SNX14: variants seen among roughly 807,000 people sequenced by gnomAD.
SNX14 encodes sorting nexin-14.
A neutral mutation model predicts 133.8 loss-of-function variants in SNX14; 93 were observed. That is an observed-to-expected ratio of 0.70 (90% CI 0.59 to 0.83). SNX14 has a LOEUF of 0.83. Among genes scored for constraint, SNX14 ranks in the 40% least tolerant of loss-of-function variants. The pLI is 0.00. For synonymous variants in SNX14, 368 were observed against 365.6 expected (o/e 1.01, Z -0.07); for missense variants, 945 against 1,094.9 (o/e 0.86, Z 1.93).
intron 1 of SNX14, 25 bp from the exon 2 acceptor site, chr6:85,574,403 T>C (rs1267150897): frequency 1.4e-6 from 2 of 1,474,972 alleles, no homozygotes; most frequent in Non-Finnish European, 1.8e-6. Flanking sequence ...AAAATAATTA[T>C]TACAACCAAA....
chr6:85,532,788 T>C (rs1780676942), intron 18 of SNX14, among the ~76,000 whole-genome samples: 1 of 152,210 alleles, frequency 6.6e-6, no homozygotes, highest in South Asian at 2.1e-4. Context: ...ATACAGATAC[T>C]GTTAAACCCG....
chr6:85,571,169 A>G (rs1001763681), intron 4 of SNX14, among the ~76,000 whole-genome samples: 3 of 151,852 alleles, frequency 2.0e-5, no homozygotes, highest in Non-Finnish European at 4.4e-5. Flanking sequence ...CCTGGCTAAC[A>G]TGTGAAACCC....
chr6:85,521,054 G>A (rs796698918), intron 21 of SNX14, among the ~76,000 whole-genome samples: 28 of 152,310 alleles, frequency 1.8e-4, no homozygotes, highest in African/African-American at 6.7e-4. Flanking sequence ...CAGTGTGTAA[G>A]AGTTCCTGTT....
intron 7 of SNX14, among the ~76,000 whole-genome samples, chr6:85,557,151 G>A (rs1380840685): frequency 6.6e-6 from 1 of 152,214 alleles, no homozygotes; most frequent in Non-Finnish European, 1.5e-5. Flanking sequence ...ATATGGTCAT[G>A]TGTGTAGAGT....
chr6:85,574,963 A>T (rs779778351), intron 1 of SNX14, among the ~76,000 whole-genome samples: 2 of 152,252 alleles, frequency 1.3e-5, no homozygotes, highest in African/African-American at 2.4e-5. Flanking sequence ...GTTTTTTCAG[A>T]GAAAGCAATA....
At position 85,505,847 on chromosome 6, in the gene SNX14, A is replaced by T. The variant is rs990642735; in HGVS notation, c.*120T>A. ...TTAGTCTTTATTAAAAACAAAAAAT[A>T]ACTAAAATTTCAGACAGCGATGTAC... On this transcript the variant is annotated 3_prime_UTR_variant, in exon 29 of 29. Coordinates refer to ENST00000314673, the MANE Select transcript of SNX14 (RefSeq NM_153816.6). 2.8e-5 allele frequency: 19 copies of T among 673,878 alleles called. No homozygotes were observed. The highest frequency in any genetic ancestry group is 2.0e-4 in the African/African-American group (11 of 53,744). 41.7% of individuals were successfully genotyped at this position (673,878 alleles called of 1,614,324 possible).
Position 85,582,590 on chromosome 6 carries a change from G to A in SNX14, c.141-8212C>T, listed in dbSNP as rs186982882. ...AATAGACACAATAAAAAATGATAAA[G>A]GGGATATCATCACTGATCTCACAAA... On this transcript the variant is annotated intron_variant, in intron 1 of 28. Transcript: ENST00000314673. Among the ~76,000 whole-genome samples, 178 of 151,846 alleles carry A rather than the reference G, an allele frequency of 1.2e-3. 1 individual carries two copies. Among genetic ancestry groups the A allele is most frequent in the African/African-American group, 4.3e-3 (177 of 41,406 alleles).
chr6:85,530,555 G>T lies in SNX14; in HGVS notation c.1811-280C>A, dbSNP rs547947157. 1.4e-4 allele frequency among the ~76,000 whole-genome samples: 21 copies of T among 150,866 alleles called. 2 individuals carry two copies. Among genetic ancestry groups the T allele is most frequent in the Admixed American group, 1.4e-3 (21 of 15,138 alleles). ...AGCTACTCAGGAGGCTAAGGCAGGAGAATCGCTTGAACCCAAGAGGCAGAG... is the reference window on the plus strand; with the variant it reads ...AGCTACTCAGGAGGCTAAGGCAGGATAATCGCTTGAACCCAAGAGGCAGAG... On this transcript the variant is annotated intron_variant, in intron 18 of 28. Coordinates refer to ENST00000314673, the MANE Select transcript of SNX14 (RefSeq NM_153816.6).
chr6:85,505,891 T>C lies in SNX14; in HGVS notation c.*76A>G. On this transcript the variant is annotated 3_prime_UTR_variant, in exon 29 of 29. Coordinates refer to ENST00000314673, the MANE Select transcript of SNX14 (RefSeq NM_153816.6). ...GATGTACATAATATATATAAGAATATACCCAAAAAAGTAAATTTCTACCAC... is the reference window on the plus strand; with the variant it reads ...GATGTACATAATATATATAAGAATACACCCAAAAAAGTAAATTTCTACCAC... The C allele has an allele frequency of 3.1e-6, 3 of 961,486 alleles. No individual in the cohort carries two copies. The highest frequency in any genetic ancestry group is 2.1e-4 in the Middle Eastern group (1 of 4,740). The allele number at this position is 961,486 out of a possible 1,614,324, so 59.6% of individuals were successfully genotyped here. A position where few individuals can be genotyped will look rare whatever the true frequency, so the allele number is the denominator to read the frequency against.
chr6:85,555,574 A>C (rs1211986138), intron 7 of SNX14, among the ~76,000 whole-genome samples: 1 of 152,242 alleles, frequency 6.6e-6, no homozygotes, highest in African/African-American at 2.4e-5. Flanking sequence ...CAGAGGAAAG[A>C]AGGATGAACA....
At chr6:85,537,634 G>A (rs1257816431) in intron 16 of SNX14, among the ~76,000 whole-genome samples, 1 of 152,150 alleles carries the variant, frequency 6.6e-6, no homozygotes. Flanking sequence ...AATTAAAACC[G>A]TAACTTTTAT....
At chr6:85,565,299 C>G in intron 6 of SNX14, 33 bp downstream of exon 6, 1 of 1,414,302 alleles carries the variant, frequency 7.1e-7, no homozygotes, top group Non-Finnish European at 9.7e-7. Context: ...GATAAAGCCC[C>G]AAATTCCCAA....
At chr6:85,544,282 G>T (rs1267239477) in intron 12 of SNX14, among the ~76,000 whole-genome samples, 1 of 151,926 alleles carries the variant, frequency 6.6e-6, no homozygotes. Flanking sequence ...TTTATTTCAG[G>T]ATGTGTTAAT....
At position 85,565,341 on chromosome 6, in the gene SNX14, C is replaced by A; in HGVS notation, c.540G>T (p.Arg180Ser). ...CATTAAAAATATATACCTTGTGAAT[C>A]CTTCTTATTAAGACAGATGCAAAAA... ...LRFFASVLIR[R>S]IHKVDIPSII... The change falls in exon 6 of 29, where the codon AGG becomes AGT. Residue 180 changes from arginine to serine, a missense_variant. Around this residue, in one of 3 missense-constraint regions of SNX14, gnomAD observed 514 missense variants for 538.8 expected, o/e 0.95. Coordinates refer to ENST00000314673, the MANE Select transcript of SNX14 (RefSeq NM_153816.6). 6.3e-7 allele frequency: 1 copy of A among 1,583,552 alleles called. No individual in the cohort carries two copies.
intron 15 of SNX14, among the ~76,000 whole-genome samples, chr6:85,541,570 A>G (rs1388646552): frequency 6.6e-6 from 1 of 152,046 alleles, no homozygotes; most frequent in African/African-American, 2.4e-5. Flanking sequence ...TTAACTGTAC[A>G]CTTAGATTTC....
At chr6:85,570,714 G>A (rs540579013) in intron 4 of SNX14, among the ~76,000 whole-genome samples, 27 of 152,110 alleles carry the variant, frequency 1.8e-4, no homozygotes, top group Admixed American at 1.6e-3. Context: ...TTAGCTGGGC[G>A]TGGTGGTGTG....
At chr6:85,575,746 T>C (rs758801050) in intron 1 of SNX14, among the ~76,000 whole-genome samples, 6 of 152,206 alleles carry the variant, frequency 3.9e-5, no homozygotes, top group Non-Finnish European at 8.8e-5. Context: ...AGAGTGGTTA[T>C]GGCACAAGGA....
intron 7 of SNX14, among the ~76,000 whole-genome samples, chr6:85,555,641 A>T (rs1582892950): frequency 1.3e-5 from 2 of 152,356 alleles, no homozygotes; most frequent in African/African-American, 4.8e-5. Flanking sequence ...TACTGTAATG[A>T]TGAATACATG....
intron 5 of SNX14, among the ~76,000 whole-genome samples, chr6:85,566,566 T>G (rs1793910833): frequency 6.6e-6 from 1 of 151,948 alleles, no homozygotes; most frequent in Non-Finnish European, 1.5e-5. Flanking sequence ...AGCATTGTGG[T>G]GCACGCCTGT....
Sources: allele counts gnomAD v4.1 joint callset (sites outside exome capture counted in the v4.1 genomes callset), GRCh38; gene constraint gnomAD v4.1.1; regional missense constraint gnomAD v4.1.1; transcripts MANE v1.5; gene names NCBI Gene and HGNC (gene_info 2026-07-23, HGNC 2026-07-21).